RPP25: variants seen among roughly 807,000 people sequenced by gnomAD.
RPP25 encodes ribonuclease P/MRP subunit p25.
Under a neutral mutation model 4.4 loss-of-function variants are expected in RPP25, and 2 were observed. The ratio of observed to expected loss-of-function variants is 0.45; its 90% CI spans 0.19 to 1.43. RPP25 has a LOEUF of 1.43. Ranked by LOEUF, RPP25 falls within the 40% of genes most tolerant of loss-of-function variation. The pLI is 0.26. For synonymous variants in RPP25, 144 were observed against 136.2 expected (o/e 1.06, Z -0.40); for missense variants, 319 against 293.8 (o/e 1.09, Z -0.63).
rs750386910 is a variant in RPP25, at chr15:74,956,341, G to C, written c.243C>G (p.Ala81=). ...GRATTKTVTC[A]EILKRRLAGL... ...CCGCCAGGCGGCGCTTGAGGATCTC[G>C]GCGCACGTGACGGTTTTGGTGGTGG... Residue 81 remains alanine, a synonymous_variant, in exon 1 of 1, where the codon GCC becomes GCG. Transcript: ENST00000322177. The C allele has an allele frequency of 1.1e-5, 17 of 1,602,018 alleles. 1 individual carries two copies. In the South Asian group the frequency reaches 1.5e-4, roughly 15 times the overall value.
At position 74,955,931 on chromosome 15, in the gene RPP25, T is replaced by C; in HGVS notation, c.*53A>G. ...GAAAGGCTGGAGGTACATCTGAAGG[T>C]GGAGGCGCTGGCGGAAGATCCTGCC... is the stretch of plus-strand genomic sequence containing the variant. On this transcript the variant is annotated 3_prime_UTR_variant, in exon 1 of 1. Transcript: ENST00000322177. The C allele has an allele frequency of 6.2e-7, 1 of 1,605,674 alleles. No individual in the cohort carries two copies. Among genetic ancestry groups the C allele is most frequent in the East Asian group, 2.2e-5 (1 of 44,650 alleles).
rs2065461592 is a variant in RPP25, at chr15:74,955,019, GCTCCCTTTCC to G, written c.*955_*964del. On this transcript the variant is annotated 3_prime_UTR_variant, in exon 1 of 1. Transcript: ENST00000322177. Reference sequence around the variant, plus strand: ...TCCCCTCCCAGAAAAACAATGTGCCGCTCCCTTTCCCTTAGTGGCGATGTACAGGGGTACA... The same window carrying G: ...TCCCCTCCCAGAAAAACAATGTGCCGCTTAGTGGCGATGTACAGGGGTACA... 1 of 152,492 alleles carries G rather than the reference GCTCCCTTTCC, an allele frequency of 6.6e-6. No individual in the cohort carries two copies. Among genetic ancestry groups the G allele is most frequent in the Admixed American group, 6.5e-5 (1 of 15,288 alleles). The allele number at this position is 152,492 out of a possible 1,614,324, so 9.4% of individuals were successfully genotyped here. A position where few individuals can be genotyped will look rare whatever the true frequency, so the allele number is the denominator to read the frequency against.
chr15:74,956,213 GC>G lies in RPP25; in HGVS notation c.370del (p.Ala124LeufsTer50), dbSNP rs2065469623. ...CACGTTCTTAAGTACGCTGAGACTA[GC>G]GGCCGGCTCGCCAGGCGTCTGACCC... ...TQGQTPGEPA[A>X]SLSVLKNVPG... On this transcript the variant is annotated frameshift_variant, in exon 1 of 1. Transcript: ENST00000322177. LOFTEE classifies it high-confidence loss of function. 1 of 1,564,078 alleles carries G rather than the reference GC, an allele frequency of 6.4e-7. No homozygotes were observed. The highest frequency in any genetic ancestry group is 1.9e-5 in the Admixed American group (1 of 51,508).
chr15:74,956,423 G>A lies in RPP25; in HGVS notation c.161C>T (p.Thr54Ile), dbSNP rs771872198. Residue 54 changes from threonine to isoleucine, a missense_variant, in exon 1 of 1, where the codon ACC (threonine) becomes ATC (isoleucine). Transcript: ENST00000322177. ...SKIRNLMAFA[T>I]ASMAQPATRA... ...CGTGGCTGGCTGCGCCATGCTGGCG[G>A]TGGCGAAGGCCATCAGGTTCCGGAT... The A allele has an allele frequency of 2.5e-6, 4 of 1,597,584 alleles. No homozygotes were observed. Among genetic ancestry groups the A allele is most frequent in the South Asian group, 1.1e-5 (1 of 89,360 alleles).
At position 74,956,455 on chromosome 15, in the gene RPP25, G is replaced by A; in HGVS notation, c.129C>T (p.Gly43=). The A allele has an allele frequency of 6.3e-7, 1 of 1,577,324 alleles. No homozygotes were observed. Among genetic ancestry groups the A allele is most frequent in the East Asian group, 2.3e-5 (1 of 43,134 alleles). The stretch of plus-strand genomic sequence containing the variant: ...AGGCCATCAGGTTCCGGATCTTGCT[G>A]CCTTCCTTGACCCGCATGTGCACCG... ...PGAVHMRVKE[G]SKIRNLMAFA... The change falls in exon 1 of 1, where the codon GGC becomes GGT. Residue 43 remains glycine (G), a synonymous_variant. Coordinates refer to ENST00000322177, the MANE Select transcript of RPP25 (RefSeq NM_017793.3).
Position 74,956,509 on chromosome 15 carries a change from G to T in RPP25, c.75C>A (p.Ser25=). 1 of 1,535,804 alleles carries T rather than the reference G, an allele frequency of 6.5e-7. No individual in the cohort carries two copies. The change falls in exon 1 of 1, where the codon TCC becomes TCA. Residue 25 remains serine, a synonymous_variant. Coordinates refer to ENST00000322177, the MANE Select transcript of RPP25 (RefSeq NM_017793.3). ...CCGGCGCCAGGTCTGCGAAGGGGCCGGAGCCCGGGCCGCCTCCCTCGGCCC... is the reference window on the plus strand; with the variant it reads ...CCGGCGCCAGGTCTGCGAAGGGGCCTGAGCCCGGGCCGCCTCCCTCGGCCC... ...GCGAEGGGPG[S]GPFADLAPGA...
Position 74,955,673 on chromosome 15 carries a change from G to C in RPP25, c.*311C>G. 1 of 412,048 alleles carries C rather than the reference G, an allele frequency of 2.4e-6. No individual in the cohort carries two copies. The highest frequency in any genetic ancestry group is 6.6e-4 in the Middle Eastern group (1 of 1,508). 25.5% of individuals were successfully genotyped at this position (412,048 alleles called of 1,614,324 possible). On this transcript the variant is annotated 3_prime_UTR_variant, in exon 1 of 1. Transcript: ENST00000322177. ...TTTAACCCTTGGGGGTCCCAAACAA[G>C]TTTCCAGAATCCCACTGTCCACCAT...
chr15:74,956,587 C>T lies in RPP25; in HGVS notation c.-4G>A, dbSNP rs1483237639. ...GCACCTTACGGAAGTTCTCCATGCG[C>T]CGTCGTCGCCGGGACCGCCGGCTTT... On this transcript the variant is annotated 5_prime_UTR_variant, in exon 1 of 1. Transcript: ENST00000322177. The T allele has an allele frequency of 6.9e-7, 1 of 1,444,536 alleles. No individual in the cohort carries two copies. Among genetic ancestry groups the T allele is most frequent in the Non-Finnish European group, 9.0e-7 (1 of 1,108,534 alleles). 89.5% of individuals were successfully genotyped at this position (1,444,536 alleles called of 1,614,324 possible). A position where few individuals can be genotyped will look rare whatever the true frequency, so the allele number is the denominator to read the frequency against.
chr15:74,956,462 T>C lies in RPP25; in HGVS notation c.122A>G (p.Lys41Arg), dbSNP rs752999806. Residue 41 changes from lysine to arginine, a missense_variant, in exon 1 of 1, where the codon AAG becomes AGG. Physicochemically the swap from Lys to Arg is conservative, Grantham distance 26. Transcript: ENST00000322177. Reference sequence around the variant, plus strand: ...CAGGTTCCGGATCTTGCTGCCTTCCTTGACCCGCATGTGCACCGCGCCCGG... The same window carrying C: ...CAGGTTCCGGATCTTGCTGCCTTCCCTGACCCGCATGTGCACCGCGCCCGG... The part of the protein sequence containing the change: ...LAPGAVHMRV[K>R]EGSKIRNLMA... The C allele has an allele frequency of 9.5e-6, 15 of 1,570,840 alleles. No individual in the cohort carries two copies. In the African/African-American group the frequency reaches 2.0e-4, roughly 21 times the overall value.
Position 74,956,094 on chromosome 15 carries a change from G to C in RPP25, c.490C>G (p.Pro164Ala), listed in dbSNP as rs1257505321. 6.2e-7 allele frequency: 1 copy of C among 1,609,616 alleles called. No individual in the cohort carries two copies. The highest frequency in any genetic ancestry group is 2.2e-5 in the East Asian group (1 of 44,706). ...PNPHPGPSSP[P>A]AAPASKRSLG... is the part of the protein sequence containing the mutation. The stretch of plus-strand genomic sequence containing the variant: ...CTCCTCTTGGACGCTGGCGCGGCTG[G>C]CGGGGACGAGGGACCAGGATGGGGA... Residue 164 changes from proline to alanine, a missense_variant, in exon 1 of 1, where the codon CCA (proline) becomes GCA (alanine). Physicochemically the swap from Pro to Ala is conservative, Grantham distance 27. Coordinates refer to ENST00000322177, the MANE Select transcript of RPP25 (RefSeq NM_017793.3).
rs981687772 is a variant in RPP25 at position 74,956,317 on chromosome 15, C to T, written c.267G>A (p.Ala89=). 6.2e-7 allele frequency: 1 copy of T among 1,601,042 alleles called. No homozygotes were observed. The highest frequency in any genetic ancestry group is 8.5e-7 in the Non-Finnish European group (1 of 1,178,056). The change falls in exon 1 of 1, where the codon GCG becomes GCA. Residue 89 remains alanine (A), a synonymous_variant. Coordinates refer to ENST00000322177, the MANE Select transcript of RPP25 (RefSeq NM_017793.3). ...GCAGCCGCGTGACCTGGTGCAGGCC[C>T]GCCAGGCGGCGCTTGAGGATCTCGG... The part of the protein sequence containing the change: ...TCAEILKRRL[A]GLHQVTRLRY...
rs1266067005 is a variant in RPP25 at position 74,956,741 on chromosome 15, A to G, written c.-158T>C. ...GCTGGGACGGCGCGATCTCGGCCCC[A>G]CTTCTCTCGAGCGGGCGCCGCTCTA... On this transcript the variant is annotated 5_prime_UTR_variant, in exon 1 of 1. Transcript: ENST00000322177. The G allele has an allele frequency of 4.8e-6, 4 of 836,418 alleles. No individual in the cohort carries two copies. The highest frequency in any genetic ancestry group is 6.5e-6 in the Non-Finnish European group (4 of 613,200). The allele number at this position is 836,418 out of a possible 1,614,324, so 51.8% of individuals were successfully genotyped here.
chr15:74,955,883 T>A lies in RPP25; in HGVS notation c.*101A>T, dbSNP rs1257138484. On this transcript the variant is annotated 3_prime_UTR_variant, in exon 1 of 1. Transcript: ENST00000322177. ...GTCTTGAGGAGCTGTGTCCAGGTTG[T>A]GGGCTCCGGAGGACCGAGGAGTGAA... 13 of 1,485,844 alleles carry A rather than the reference T, an allele frequency of 8.7e-6. No individual in the cohort carries two copies. Among genetic ancestry groups the A allele is most frequent in the Non-Finnish European group, 1.2e-5 (13 of 1,104,340 alleles). The allele number at this position is 1,485,844 out of a possible 1,614,324, so 92.0% of individuals were successfully genotyped here. A position where few individuals can be genotyped will look rare whatever the true frequency, so the allele number is the denominator to read the frequency against.
At position 74,955,904 on chromosome 15, in the gene RPP25, G is replaced by A. The variant is rs1048390757; in HGVS notation, c.*80C>T. On this transcript the variant is annotated 3_prime_UTR_variant, in exon 1 of 1. Transcript: ENST00000322177. ...GTTGTGGGCTCCGGAGGACCGAGGA[G>A]TGAAAGGCTGGAGGTACATCTGAAG... The A allele has an allele frequency of 1.1e-5, 18 of 1,571,688 alleles. No individual in the cohort carries two copies. In the African/African-American group the frequency reaches 1.6e-4, roughly 14 times the overall value.
chr15:74,956,679 G>A lies in RPP25; in HGVS notation c.-96C>T, dbSNP rs1466665525. On this transcript the variant is annotated 5_prime_UTR_variant, in exon 1 of 1. Transcript: ENST00000322177. ...TCGCGCCTTGCAAGGGCCAGCAGGG[G>A]TAAGGGCGCCGGAGCAGCGCAGACG... 3.0e-6 allele frequency: 4 copies of A among 1,323,656 alleles called. No individual in the cohort carries two copies. Among genetic ancestry groups the A allele is most frequent in the Non-Finnish European group, 3.9e-6 (4 of 1,034,504 alleles). 82.0% of individuals were successfully genotyped at this position (1,323,656 alleles called of 1,614,324 possible). A position where few individuals can be genotyped will look rare whatever the true frequency, so the allele number is the denominator to read the frequency against.
At position 74,956,385 on chromosome 15, in the gene RPP25, A is replaced by G; in HGVS notation, c.199T>C (p.Phe67Leu). Residue 67 changes from phenylalanine (F) to leucine (L), a missense_variant, in exon 1 of 1, where the codon TTC (phenylalanine) becomes CTC (leucine). Phe to Leu is a conservative substitution (Grantham distance 22, BLOSUM62 0). Transcript: ENST00000322177. Reference sequence around the variant, plus strand: ...GTGGTGGCCCGGCCGCAGCCGCTGAAGACGATGGCGCGCGTGGCTGGCTGC... The same window carrying G: ...GTGGTGGCCCGGCCGCAGCCGCTGAGGACGATGGCGCGCGTGGCTGGCTGC... Reference protein sequence around the residue: ...MAQPATRAIVFSGCGRATTKT... With the variant: ...MAQPATRAIVLSGCGRATTKT... 6.2e-7 allele frequency: 1 copy of G among 1,604,386 alleles called. No homozygotes were observed.
Position 74,956,492 on chromosome 15 carries a change from A to C in RPP25, c.92T>G (p.Leu31Arg), listed in dbSNP as rs1317855823. Residue 31 changes from leucine (L) to arginine (R), a missense_variant, in exon 1 of 1, where the codon CTG becomes CGG. Coordinates refer to ENST00000322177, the MANE Select transcript of RPP25 (RefSeq NM_017793.3). Reference sequence around the variant, plus strand: ...CCGCATGTGCACCGCGCCCGGCGCCAGGTCTGCGAAGGGGCCGGAGCCCGG... The same window carrying C: ...CCGCATGTGCACCGCGCCCGGCGCCCGGTCTGCGAAGGGGCCGGAGCCCGG... ...GGPGSGPFAD[L>R]APGAVHMRVK... 2.6e-6 allele frequency: 4 copies of C among 1,544,820 alleles called. No individual in the cohort carries two copies. In the African/African-American group the frequency reaches 4.2e-5, roughly 16 times the overall value.
In RPP25 at chr15:74,955,903, A is replaced by G; in HGVS notation, c.*81T>C. On this transcript the variant is annotated 3_prime_UTR_variant, in exon 1 of 1. Coordinates refer to ENST00000322177, the MANE Select transcript of RPP25 (RefSeq NM_017793.3). ...GGTTGTGGGCTCCGGAGGACCGAGG[A>G]GTGAAAGGCTGGAGGTACATCTGAA... 1.3e-6 allele frequency: 2 copies of G among 1,566,070 alleles called. No homozygotes were observed. The highest frequency in any genetic ancestry group is 1.2e-5 in the South Asian group (1 of 85,934).
Position 74,956,218 on chromosome 15 carries a change from C to G in RPP25, c.366G>C (p.Pro122=). Residue 122 remains proline, a synonymous_variant, in exon 1 of 1, where the codon CCG becomes CCC. Transcript: ENST00000322177. ...TCTTAAGTACGCTGAGACTAGCGGC[C>G]GGCTCGCCAGGCGTCTGACCCTGCG... The part of the protein sequence containing the change: ...GPTQGQTPGE[P]AASLSVLKNV... 1 of 1,561,718 alleles carries G rather than the reference C, an allele frequency of 6.4e-7. No homozygotes were observed. The highest frequency in any genetic ancestry group is 8.7e-7 in the Non-Finnish European group (1 of 1,153,772).
Sources: gnomAD v4.1 joint callset for allele counts on GRCh38, gnomAD v4.1.1 for gene constraint, MANE v1.5 for transcripts, NCBI Gene and HGNC (gene_info 2026-07-23, HGNC 2026-07-21) for gene names.